The following NAV2 variants were observed in gnomAD, a reference collection of about 807,000 sequenced individuals.
NAV2 encodes the protein neuron navigator 2.
In NAV2, 54 loss-of-function variants were observed where a neutral mutation model predicts 223.2. The ratio of observed to expected loss-of-function variants is 0.24; its 90% CI spans 0.19 to 0.30. The LOEUF (loss-of-function observed/expected upper bound fraction) is 0.30, where lower values mean the gene tolerates loss of function less well. NAV2 is among the 10% of genes least tolerant of loss of function. NAV2 has a pLI of 1.00. For missense variants in NAV2, 2,806 were observed against 3,147.5 expected, an observed-to-expected ratio of 0.89 and a Z score of 2.60; for synonymous variants, 1,279 against 1,239.3, an observed-to-expected ratio of 1.03 and a Z score of -0.67.
intron 14 of NAV2, among the ~76,000 whole-genome samples, chr11:20,047,273 C>T (rs945067582): frequency 1.3e-5 from 2 of 152,206 alleles, no homozygotes; most frequent in Admixed American, 1.3e-4. Context: ...GCATGCAGCT[C>T]CTACGGCTCT....
intron 6 of NAV2, among the ~76,000 whole-genome samples, chr11:19,931,354 AG>A (rs1487256937): frequency 6.6e-6 from 1 of 152,148 alleles, no homozygotes; most frequent in East Asian, 1.9e-4. Context: ...TAAGTCAGGA[AG>A]ATATATGTGT....
intron 31 of NAV2, 65 bp from the exon 32 acceptor site, chr11:20,100,872 A>T: frequency 7.1e-7 from 1 of 1,400,860 alleles, no homozygotes; most frequent in Non-Finnish European, 1.0e-6. Flanking sequence ...AGTCCCAGTT[A>T]GGCAAGCACA....
intron 1 of NAV2, among the ~76,000 whole-genome samples, chr11:19,774,159 C>T (rs1565291549): frequency 6.6e-6 from 1 of 152,196 alleles, no homozygotes; most frequent in Non-Finnish European, 1.5e-5. Context: ...TCCATGCTCC[C>T]CAGCCTTGTG....
At chr11:19,356,600 A>G (rs1875661) in intron 1 of NAV2, among the ~76,000 whole-genome samples, 1,529 of 152,276 alleles carry the variant, frequency 0.01, 16 homozygotes, top group African/African-American at 0.033. Context: ...TCTGCCTATA[A>G]GGGGCCAAGT....
In NAV2 at chr11:19,713,369, A is replaced by G; in HGVS notation, c.-327A>G. On this transcript the variant is annotated 5_prime_UTR_variant, in exon 1 of 38. Coordinates refer to ENST00000349880, the MANE Select transcript of NAV2 (RefSeq NM_145117.5). The surrounding 1 kb of genome is among the most constrained non-coding windows in gnomAD (Gnocchi z 7.2). ...GGCGTCCAAGCCTCTGTTTCCCAGG[A>G]GGAAATTTGCAAGAGGCGGCAGCCC... The G allele has an allele frequency of 8.6e-7, 1 of 1,165,170 alleles. No homozygotes were observed. The highest frequency in any genetic ancestry group is 1.1e-6 in the Non-Finnish European group (1 of 946,644). 72.2% of individuals were successfully genotyped at this position (1,165,170 alleles called of 1,614,324 possible). A position where few individuals can be genotyped will look rare whatever the true frequency, so the allele number is the denominator to read the frequency against.
chr11:19,454,739 T>A (rs1302864193), intron 1 of NAV2, among the ~76,000 whole-genome samples: 3 of 151,776 alleles, frequency 2.0e-5, no homozygotes, highest in Non-Finnish European at 4.4e-5. Context: ...GTAAAGGAGG[T>A]CAATGGCTAA....
At chr11:19,441,165 G>A (rs879009573) in intron 1 of NAV2, among the ~76,000 whole-genome samples, 1 of 152,104 alleles carries the variant, frequency 6.6e-6, no homozygotes, top group Non-Finnish European at 1.5e-5. Flanking sequence ...GCCGGGGGAG[G>A]AATACGATGC....
At chr11:19,777,824 G>T (rs2056392307) in intron 1 of NAV2, 1 of 454,710 alleles carries the variant, frequency 2.2e-6, no homozygotes, top group Admixed American at 2.3e-5. Flanking sequence ...CACACGCTGG[G>T]ATTGTCTCCT....
At chr11:19,703,635 A>G (rs1156979268) in intron 1 of NAV2, among the ~76,000 whole-genome samples, 1 of 152,188 alleles carries the variant, frequency 6.6e-6, no homozygotes, top group African/African-American at 2.4e-5. Context: ...CAAAAAGGAA[A>G]TCTCACTCAG....
intron 3 of NAV2, among the ~76,000 whole-genome samples, chr11:19,843,464 G>A (rs1216112166): frequency 5.3e-5 from 8 of 152,148 alleles, no homozygotes; most frequent in African/African-American, 1.9e-4. Context: ...ATGCATTTAA[G>A]TTCTGATATT....
chr11:19,423,775 C>T (rs1447361365), intron 1 of NAV2, among the ~76,000 whole-genome samples: 1 of 152,204 alleles, frequency 6.6e-6, no homozygotes, highest in African/African-American at 2.4e-5. Context: ...GGAGTTTCTT[C>T]TCACTGAGTC....
At chr11:19,845,705 A>C (rs1435860907) in intron 3 of NAV2, among the ~76,000 whole-genome samples, 1 of 152,208 alleles carries the variant, frequency 6.6e-6, no homozygotes, top group African/African-American at 2.4e-5. Flanking sequence ...CTAACCCACT[A>C]GGCTGCCCAG....
chr11:19,648,106 G>C (rs114570401), intron 1 of NAV2, among the ~76,000 whole-genome samples: 12 of 152,102 alleles, frequency 7.9e-5, no homozygotes, highest in African/African-American at 2.4e-4. Context: ...CAGGAATTTT[G>C]TGAGCTACTT....
At chr11:19,373,944 G>C (rs1470425155) in intron 1 of NAV2, among the ~76,000 whole-genome samples, 1 of 152,096 alleles carries the variant, frequency 6.6e-6, no homozygotes, top group Non-Finnish European at 1.5e-5. Context: ...CTCAGAAAAG[G>C]GGGAAATAGT....
intron 1 of NAV2, among the ~76,000 whole-genome samples, chr11:19,461,766 A>T (rs1852170176): frequency 6.6e-6 from 1 of 152,258 alleles, no homozygotes; most frequent in South Asian, 2.1e-4. Flanking sequence ...CGAGTATCAG[A>T]GAGTATTTTG....
intron 1 of NAV2, among the ~76,000 whole-genome samples, chr11:19,777,099 C>G (rs895394691): frequency 2.0e-5 from 3 of 150,688 alleles, no homozygotes; most frequent in East Asian, 2.0e-4. Context: ...GCCGACCCCC[C>G]CCCCCACCCC....
chr11:19,878,471 A>T (rs879441159), intron 4 of NAV2, among the ~76,000 whole-genome samples: 2 of 152,142 alleles, frequency 1.3e-5, no homozygotes, highest in Non-Finnish European at 2.9e-5. Context: ...AGATTAAGTG[A>T]CTTGCCTGGG....
In NAV2 at chr11:19,802,382, T is replaced by C. The variant is rs533396532; in HGVS notation, c.268-30102T>C. Among the ~76,000 whole-genome samples, 5 of 152,262 alleles carry C rather than the reference T, an allele frequency of 3.3e-5. No individual in the cohort carries two copies. The South Asian group carries it at 1.0e-3, about 32-fold the overall frequency. ...TTCCAGGAGCGCCTGTGCTCTTTTT[T>C]CTAAAGAAAGACTACCTAGAGGAAT... On this transcript the variant is annotated intron_variant, in intron 1 of 37. Coordinates refer to ENST00000349880, the MANE Select transcript of NAV2 (RefSeq NM_145117.5).
At chr11:19,484,529 T>C (rs935538462) in intron 1 of NAV2, among the ~76,000 whole-genome samples, 2 of 152,234 alleles carry the variant, frequency 1.3e-5, no homozygotes, top group African/African-American at 4.8e-5. Flanking sequence ...TGCCTAGACC[T>C]TGAGGTCCAT....
Sources: allele counts gnomAD v4.1 joint callset (sites outside exome capture counted in the v4.1 genomes callset), GRCh38; gene constraint gnomAD v4.1.1; non-coding constraint Gnocchi (gnomAD v3.1); transcripts MANE v1.5; gene names NCBI Gene and HGNC (gene_info 2026-07-23, HGNC 2026-07-21).